Variants in PLXDC2 observed in about 807,000 individuals in gnomAD.
PLXDC2 encodes the protein plexin domain containing 2.
In PLXDC2, 40 loss-of-function variants were observed where a neutral mutation model predicts 68.9. That is an observed-to-expected ratio of 0.58 (90% CI 0.45 to 0.76). The LOEUF (loss-of-function observed/expected upper bound fraction) is 0.76. Ranked by LOEUF, PLXDC2 falls within the 30% of genes least tolerant of loss-of-function variation. The pLI is 0.00. For synonymous variants in PLXDC2, 243 were observed against 234.2 expected (o/e 1.04, Z -0.34); for missense variants, 644 against 661.9 (o/e 0.97, Z 0.30).
intron 1 of PLXDC2, among the ~76,000 whole-genome samples, chr10:19,829,052 G>T (rs1161692770): frequency 6.6e-6 from 1 of 151,560 alleles, no homozygotes; most frequent in Admixed American, 6.6e-5. Context: ...ACCTCTTCAG[G>T]TTCAAGTTCA....
In PLXDC2 at chr10:19,975,512, A is replaced by T. The variant is rs1029004983; in HGVS notation, c.113-26263A>T. On this transcript the variant is annotated intron_variant, in intron 1 of 13. Coordinates refer to ENST00000377252, the MANE Select transcript of PLXDC2 (RefSeq NM_032812.9). ...TAAATAAAACACAAAGGAAGATGAG[A>T]TTTTAGTTCTTTAAATTTAATCCAG... 2.0e-5 allele frequency among the ~76,000 whole-genome samples: 3 copies of T among 151,988 alleles called. No individual in the cohort carries two copies. The East Asian group carries it at 5.8e-4, about 30-fold the overall frequency.
intron 9 of PLXDC2, among the ~76,000 whole-genome samples, chr10:20,190,390 G>T (rs537347380): frequency 1.1e-4 from 16 of 151,760 alleles, no homozygotes; most frequent in East Asian, 1.9e-4. Context: ...TGCTAAATTG[G>T]TATGGAAAAA....
chr10:20,189,833 T>A (rs1199319553), intron 9 of PLXDC2, among the ~76,000 whole-genome samples: 1 of 151,718 alleles, frequency 6.6e-6, no homozygotes, highest in African/African-American at 2.4e-5. Flanking sequence ...TTTTGGTCTC[T>A]GTCTTCTTTT....
At chr10:19,835,832 T>A (rs963105917) in intron 1 of PLXDC2, among the ~76,000 whole-genome samples, 8 of 151,910 alleles carry the variant, frequency 5.3e-5, no homozygotes, top group Non-Finnish European at 1.2e-4. Flanking sequence ...GTGATGAAGA[T>A]CAGAGAAGGA....
At chr10:20,102,557 T>C (rs1833437458) in intron 4 of PLXDC2, among the ~76,000 whole-genome samples, 1 of 152,192 alleles carries the variant, frequency 6.6e-6, no homozygotes, top group Non-Finnish European at 1.5e-5. Flanking sequence ...GGATTGGTAA[T>C]AATATTTGCT....
At chr10:20,218,198 A>C (rs976825713) in intron 11 of PLXDC2, among the ~76,000 whole-genome samples, 2 of 152,138 alleles carry the variant, frequency 1.3e-5, no homozygotes, top group African/African-American at 4.8e-5. Flanking sequence ...ATAATTTTCT[A>C]TTCTGAATGA....
At chr10:20,206,942 A>G (rs1043336077) in intron 9 of PLXDC2, among the ~76,000 whole-genome samples, 1 of 152,112 alleles carries the variant, frequency 6.6e-6, no homozygotes, top group Non-Finnish European at 1.5e-5. Flanking sequence ...TGGTTTATTT[A>G]GAATTCAGAA....
At chr10:19,865,177 G>A (rs1235380496) in intron 1 of PLXDC2, among the ~76,000 whole-genome samples, 2 of 152,160 alleles carry the variant, frequency 1.3e-5, no homozygotes, top group African/African-American at 4.8e-5. Flanking sequence ...AAGTAGATTT[G>A]TGTAAGACCA....
chr10:20,137,948 C>T (rs1458237985), intron 4 of PLXDC2, among the ~76,000 whole-genome samples: 1 of 152,148 alleles, frequency 6.6e-6, no homozygotes, highest in African/African-American at 2.4e-5. Flanking sequence ...ACATCTGGTC[C>T]AGGGTTGGTA....
chr10:20,119,302 A>T (rs1366394197), intron 4 of PLXDC2, among the ~76,000 whole-genome samples: 6 of 151,414 alleles, frequency 4.0e-5, no homozygotes. Flanking sequence ...CCGAAAAGAG[A>T]GTCAGCGAAG....
chr10:19,871,972 CT>C (rs920474835), intron 1 of PLXDC2, among the ~76,000 whole-genome samples: 3 of 151,516 alleles, frequency 2.0e-5, no homozygotes, highest in Non-Finnish European at 2.9e-5. Flanking sequence ...GCATTTCTGT[CT>C]TTTTTATTTA....
At chr10:20,049,324 A>G (rs1415192916) in intron 3 of PLXDC2, among the ~76,000 whole-genome samples, 1 of 152,136 alleles carries the variant, frequency 6.6e-6, no homozygotes, top group Non-Finnish European at 1.5e-5. Context: ...CTCTGTCGTC[A>G]TTCTTATTCA....
intron 1 of PLXDC2, among the ~76,000 whole-genome samples, chr10:19,919,694 C>T (rs1386242595): frequency 1.3e-5 from 2 of 152,176 alleles, no homozygotes; most frequent in Admixed American, 1.3e-4. Flanking sequence ...CTTGGCCCAT[C>T]AGACCTTTGG....
At chr10:19,848,587 T>C (rs1386683444) in intron 1 of PLXDC2, among the ~76,000 whole-genome samples, 3 of 152,202 alleles carry the variant, frequency 2.0e-5, no homozygotes, top group Non-Finnish European at 2.9e-5. Flanking sequence ...TAAAATACAT[T>C]CAAAATACTT....
chr10:19,917,105 A>T (rs2131378137), intron 1 of PLXDC2, among the ~76,000 whole-genome samples: 1 of 152,312 alleles, frequency 6.6e-6, no homozygotes, highest in South Asian at 2.1e-4. Context: ...TCTTCTAGAA[A>T]ATTGTGAAGT....
intron 1 of PLXDC2, among the ~76,000 whole-genome samples, chr10:19,832,090 A>G (rs113344344): frequency 5.3e-4 from 81 of 152,320 alleles, no homozygotes; most frequent in Admixed American, 2.8e-3. Context: ...TTTTTCATTT[A>G]TTCATAAGTG....
At chr10:19,961,625 T>C (rs1281894223) in intron 1 of PLXDC2, among the ~76,000 whole-genome samples, 1 of 152,226 alleles carries the variant, frequency 6.6e-6, no homozygotes, top group Non-Finnish European at 1.5e-5. Flanking sequence ...CCTGTTAATG[T>C]GTGTAGTTCA....
chr10:20,214,632 T>C (rs910371314), intron 10 of PLXDC2, among the ~76,000 whole-genome samples: 3 of 152,148 alleles, frequency 2.0e-5, no homozygotes, highest in African/African-American at 7.2e-5. Context: ...AAAGGCACCA[T>C]TGGGATATTC....
rs972976405 is a variant in PLXDC2 at position 19,921,985 on chromosome 10, G to C, written c.113-79790G>C. On this transcript the variant is annotated intron_variant, in intron 1 of 13. Transcript: ENST00000377252. Reference sequence around the variant, plus strand: ...TGATTCTCCTGACTCAGCCTCCCGAGTAGGTGGGACTAACAGTCATGCACC... The same window carrying C: ...TGATTCTCCTGACTCAGCCTCCCGACTAGGTGGGACTAACAGTCATGCACC... Among the ~76,000 whole-genome samples, 6 of 152,262 alleles carry C rather than the reference G, an allele frequency of 3.9e-5. No individual in the cohort carries two copies. The East Asian group carries it at 1.2e-3, about 29-fold the overall frequency.
Sources: gnomAD v4.1 joint callset for allele counts (sites outside exome capture counted in the v4.1 genomes callset) on GRCh38, gnomAD v4.1.1 for gene constraint, MANE v1.5 for transcripts, NCBI Gene and HGNC (gene_info 2026-07-23, HGNC 2026-07-21) for gene names.